The following GNB1 variants were observed in gnomAD, a reference collection of about 807,000 sequenced individuals.
GNB1 encodes the protein guanine nucleotide-binding protein G(I)/G(S)/G(T) subunit beta-1.
Under a neutral mutation model 42.9 loss-of-function variants are expected in GNB1, and 2 were observed. That is an observed-to-expected ratio of 0.05 (90% CI 0.02 to 0.15). The LOEUF (loss-of-function observed/expected upper bound fraction) is 0.15. Among genes scored for constraint, GNB1 ranks in the 10% least tolerant of loss-of-function variants. The pLI, the probability that GNB1 is intolerant of heterozygous loss-of-function variation, is 1.00. For synonymous variants in GNB1, 183 were observed against 174.7 expected (o/e 1.05, Z -0.38); for missense variants, 193 against 462.2 (o/e 0.42, Z 5.34).
At chr1:1,823,115 G>A (rs1255558440) in intron 3 of GNB1, among the ~76,000 whole-genome samples, 2 of 151,776 alleles carry the variant, frequency 1.3e-5, no homozygotes, top group Non-Finnish European at 2.9e-5. Flanking sequence ...GGTGGCGGGC[G>A]CCTATAGTCC....
At chr1:1,831,281 G>A (rs1647072103) in intron 2 of GNB1, among the ~76,000 whole-genome samples, 2 of 152,098 alleles carry the variant, frequency 1.3e-5, no homozygotes, top group South Asian at 4.1e-4. Flanking sequence ...AGGCTGCAGT[G>A]AGCTATGATA....
chr1:1,829,205 T>C (rs1647041925), intron 2 of GNB1, among the ~76,000 whole-genome samples: 2 of 152,056 alleles, frequency 1.3e-5, no homozygotes, highest in African/African-American at 2.4e-5. Context: ...TACAGGCGTA[T>C]GCTACCACGC....
intron 1 of GNB1, among the ~76,000 whole-genome samples, chr1:1,857,695 A>C (rs1280336331): frequency 6.6e-6 from 1 of 152,188 alleles, no homozygotes; most frequent in Non-Finnish European, 1.5e-5. Flanking sequence ...TCTGAGAAGG[A>C]CATGCTCCAA....
At chr1:1,878,251 C>T (rs568031467) in intron 1 of GNB1, among the ~76,000 whole-genome samples, 2 of 152,294 alleles carry the variant, frequency 1.3e-5, no homozygotes, top group East Asian at 1.9e-4. Flanking sequence ...CAGGGCAAAA[C>T]GCAAGTGCAC....
intron 4 of GNB1, among the ~76,000 whole-genome samples, chr1:1,817,056 A>G (rs1570662291): frequency 6.6e-6 from 1 of 152,158 alleles, no homozygotes; most frequent in East Asian, 1.9e-4. Flanking sequence ...ATCTTCCAAA[A>G]GGAGACCAGA....
chr1:1,798,324 A>G (rs1056447795), intron 7 of GNB1, among the ~76,000 whole-genome samples: 1 of 152,174 alleles, frequency 6.6e-6, no homozygotes, highest in East Asian at 1.9e-4. Context: ...GTTTACGGGG[A>G]GACAACATAT....
chr1:1,805,023 G>A (rs1339712526), intron 6 of GNB1, among the ~76,000 whole-genome samples: 3 of 152,176 alleles, frequency 2.0e-5, no homozygotes, highest in African/African-American at 7.2e-5. Context: ...TTAGCTGGGC[G>A]TGATGGCGCA....
At chr1:1,851,578 T>A (rs1191268842) in intron 1 of GNB1, among the ~76,000 whole-genome samples, 1 of 151,832 alleles carries the variant, frequency 6.6e-6, no homozygotes, top group Non-Finnish European at 1.5e-5. Flanking sequence ...TAATTAAATT[T>A]AATTTAAAAA....
intron 1 of GNB1, among the ~76,000 whole-genome samples, chr1:1,883,309 A>C (rs958171602): frequency 8.6e-5 from 13 of 152,036 alleles, no homozygotes; most frequent in African/African-American, 3.1e-4. Flanking sequence ...AAGAAAAAAA[A>C]ACCTTTCAAG....
At chr1:1,859,682 G>A (rs989274787) in intron 1 of GNB1, among the ~76,000 whole-genome samples, 6 of 148,604 alleles carry the variant, frequency 4.0e-5, no homozygotes, top group Admixed American at 2.7e-4. Flanking sequence ...GGGAGAGGAA[G>A]GAGAAGTGGG....
chr1:1,816,651 T>C (rs1646861245), intron 4 of GNB1, among the ~76,000 whole-genome samples: 1 of 147,448 alleles, frequency 6.8e-6, no homozygotes, highest in Non-Finnish European at 1.5e-5. Context: ...TATCTTTTTT[T>C]TTTTTTTTTT....
chr1:1,873,356 C>A (rs929927489), intron 1 of GNB1, among the ~76,000 whole-genome samples: 10 of 152,214 alleles, frequency 6.6e-5, no homozygotes, highest in Non-Finnish European at 1.3e-4. Context: ...GTTGGAGAGG[C>A]AGGCTGAGGA....
chr1:1,817,704 AATAAAAGCAGTGG>A (rs1217350254), intron 4 of GNB1, 120 bp downstream of exon 4: 18 of 592,184 alleles, frequency 3.0e-5, no homozygotes, highest in Non-Finnish European at 5.2e-5. Context: ...ATGACTTCTT[AATAAAAGCAGTGG>A]CTTGGCATCC....
chr1:1,823,099 G>A (rs532963816), intron 3 of GNB1, among the ~76,000 whole-genome samples: 13 of 151,948 alleles, frequency 8.6e-5, no homozygotes, highest in African/African-American at 2.2e-4. Context: ...AAAATTAGCC[G>A]GGTGTGGTGG....
At chr1:1,889,797 G>GA (rs1278810786) in intron 1 of GNB1, among the ~76,000 whole-genome samples, 1 of 151,968 alleles carries the variant, frequency 6.6e-6, no homozygotes, top group African/African-American at 2.4e-5. Context: ...CGATTCACAA[G>GA]AAAAAATATA....
Position 1,845,378 on chromosome 1 carries a change from C to A in GNB1, c.-95-6140G>T, listed in dbSNP as rs934621144. On this transcript the variant is annotated intron_variant, in intron 1 of 11. Transcript: ENST00000378609. ...CACGAGGTCAGGAGATTGAGACCAT[C>A]CTAGCTAACTCAGTGAAACCCCGTC... Among the ~76,000 whole-genome samples the A allele has an allele frequency of 7.2e-5, 11 of 152,214 alleles. No homozygotes were observed. In the South Asian group the frequency reaches 2.1e-3, roughly 29 times the overall value.
At position 1,825,550 on chromosome 1, in the gene GNB1, T is replaced by G. The variant is rs1570674998; in HGVS notation, c.-46-51A>C. On this transcript the variant is annotated intron_variant, in intron 2 of 11. Coordinates refer to ENST00000378609, the MANE Select transcript of GNB1 (RefSeq NM_002074.5). ...AATAAACAACTGTTGGATAATTTAA[T>G]GAAGCAGGTGAGAAAAGTAAATTGA... 4.2e-6 allele frequency: 4 copies of G among 946,918 alleles called. No individual in the cohort carries two copies. The East Asian group carries it at 9.7e-5, about 23-fold the overall frequency. 58.7% of individuals were successfully genotyped at this position (946,918 alleles called of 1,614,324 possible). A position where few individuals can be genotyped will look rare whatever the true frequency, so the allele number is the denominator to read the frequency against.
chr1:1,869,974 T>C lies in GNB1; in HGVS notation c.-96+20846A>G, dbSNP rs1649160812. 2.0e-5 allele frequency among the ~76,000 whole-genome samples: 3 copies of C among 152,284 alleles called. No homozygotes were observed. In the South Asian group the frequency reaches 6.2e-4, roughly 32 times the overall value. Reference sequence around the variant, plus strand: ...ACCTCCTGGGTTCAAGAGATTCTCCTGCCTTAGCCTCCTGAGTAGCTGGGA... The same window carrying C: ...ACCTCCTGGGTTCAAGAGATTCTCCCGCCTTAGCCTCCTGAGTAGCTGGGA... On this transcript the variant is annotated intron_variant, in intron 1 of 11. Coordinates refer to ENST00000378609, the MANE Select transcript of GNB1 (RefSeq NM_002074.5).
At chr1:1,808,608 T>G (rs116467526) in intron 5 of GNB1, among the ~76,000 whole-genome samples, 1 of 151,800 alleles carries the variant, frequency 6.6e-6, no homozygotes, top group African/African-American at 2.4e-5. Flanking sequence ...AATTTTAAAG[T>G]TTCTATCAAA....
Sources: allele counts gnomAD v4.1 joint callset (sites outside exome capture counted in the v4.1 genomes callset), GRCh38; gene constraint gnomAD v4.1.1; transcripts MANE v1.5; gene names NCBI Gene and HGNC (gene_info 2026-07-23, HGNC 2026-07-21).